Variants in FAM167A observed in about 807,000 individuals in gnomAD.
FAM167A encodes family with sequence similarity 167 member A.
Under a neutral mutation model 14.9 loss-of-function variants are expected in FAM167A, and 23 were observed. The observed-to-expected ratio is 1.55, with a 90% confidence interval of 1.11 to 2.19. The LOEUF (loss-of-function observed/expected upper bound fraction) is 2.19. FAM167A is among the 30% of genes most tolerant of loss of function. The pLI, the probability that FAM167A is intolerant of heterozygous loss-of-function variation, is 0.00. For synonymous variants in FAM167A, 174 were observed against 117.7 expected (o/e 1.48, Z -3.10); for missense variants, 401 against 281.5 (o/e 1.42, Z -3.04).
intron 1 of FAM167A, among the ~76,000 whole-genome samples, chr8:11,456,154 TG>T (rs1807277567): frequency 7.6e-5 from 1 of 13,160 alleles, no homozygotes; most frequent in Non-Finnish European, 1.4e-4. Context: ...TGTGTGAATG[TG>T]GGGGGTGGTT....
intron 2 of FAM167A, among the ~76,000 whole-genome samples, chr8:11,430,075 C>T (rs1348406018): frequency 6.6e-6 from 1 of 152,224 alleles, no homozygotes; most frequent in Non-Finnish European, 1.5e-5. Context: ...ACTCAACTCT[C>T]AGTGTGGGTT....
chr8:11,439,902 T>G (rs945166831), intron 2 of FAM167A, among the ~76,000 whole-genome samples: 4 of 151,858 alleles, frequency 2.6e-5, no homozygotes, highest in African/African-American at 9.7e-5. Context: ...TCCCAGGGAG[T>G]TGGCTGATGG....
At chr8:11,472,617 G>C (rs1435067426) in intron 1 of FAM167A, among the ~76,000 whole-genome samples, 1 of 151,974 alleles carries the variant, frequency 6.6e-6, no homozygotes, top group Non-Finnish European at 1.5e-5. Context: ...AACCCTGATG[G>C]GCAGGGGAGA....
At chr8:11,447,097 G>A (rs1585263206) in intron 1 of FAM167A, among the ~76,000 whole-genome samples, 1 of 152,246 alleles carries the variant, frequency 6.6e-6, no homozygotes, top group Admixed American at 6.5e-5. Context: ...TACCACTGCT[G>A]GGTGAGGGGC....
rs182703686 is a variant in FAM167A, at chr8:11,433,375, G to A, written c.382-8739C>T. Among the ~76,000 whole-genome samples, 507 of 152,070 alleles carry A rather than the reference G, an allele frequency of 3.3e-3. 3 individuals carry two copies. Among genetic ancestry groups the A allele is most frequent in the African/African-American group, 0.011 (471 of 41,490 alleles). On this transcript the variant is annotated intron_variant, in intron 2 of 2. Transcript: ENST00000284486. ...CCCCTTTCCAACAAAAGTCTTACCCGAAACCCTATTAATAGTTTGTCTTTT... is the reference window on the plus strand; with the variant it reads ...CCCCTTTCCAACAAAAGTCTTACCCAAAACCCTATTAATAGTTTGTCTTTT...
intron 1 of FAM167A, 27 bp from the exon 2 acceptor site, chr8:11,444,835 G>C (rs1201862030): frequency 6.0e-6 from 6 of 994,706 alleles, no homozygotes; most frequent in Admixed American, 5.8e-5. Flanking sequence ...AACCGCATCA[G>C]TCCCGATCCC....
chr8:11,434,937 A>C (rs1805900180), intron 2 of FAM167A: 3 of 430,102 alleles, frequency 7.0e-6, no homozygotes, highest in African/African-American at 4.0e-5. Flanking sequence ...GGGTGAGGAC[A>C]GGCCCAGAGG....
chr8:11,433,155 G>T (rs1805732582), intron 2 of FAM167A, among the ~76,000 whole-genome samples: 2 of 152,000 alleles, frequency 1.3e-5, no homozygotes, highest in Admixed American at 1.3e-4. Context: ...GTATACCTAT[G>T]TAACAAATCT....
At position 11,441,096 on chromosome 8, in the gene FAM167A, T is replaced by C. The variant is rs778363774; in HGVS notation, c.381+2935A>G. Among the ~76,000 whole-genome samples the C allele has an allele frequency of 5.9e-5, 9 of 152,208 alleles. No individual in the cohort carries two copies. In the South Asian group the frequency reaches 8.3e-4, roughly 14 times the overall value. On this transcript the variant is annotated intron_variant, in intron 2 of 2. Transcript: ENST00000284486. Reference sequence around the variant, plus strand: ...CCTGCCAGCCAGTCTGTGTCTGGTGTACTTTGGGCCTCAGAGTCGCAATCT... The same window carrying C: ...CCTGCCAGCCAGTCTGTGTCTGGTGCACTTTGGGCCTCAGAGTCGCAATCT...
At chr8:11,465,842 T>G (rs1807741923) in intron 1 of FAM167A, among the ~76,000 whole-genome samples, 1 of 152,200 alleles carries the variant, frequency 6.6e-6, no homozygotes, top group African/African-American at 2.4e-5. Context: ...GAGAACCTGC[T>G]TGCAGGCATA....
At chr8:11,434,092 C>T (rs546771962) in intron 2 of FAM167A, 3 of 152,236 alleles carry the variant, frequency 2.0e-5, no homozygotes, top group South Asian at 2.1e-4. Context: ...CTGGAGGTTC[C>T]GGGGAAATGT....
At chr8:11,426,641 T>C (rs1563356460) in intron 2 of FAM167A, among the ~76,000 whole-genome samples, 1 of 152,120 alleles carries the variant, frequency 6.6e-6, no homozygotes, top group Non-Finnish European at 1.5e-5. Context: ...CCTTAATATT[T>C]AAAGGGGAAG....
chr8:11,438,774 A>C, intron 2 of FAM167A: 4 of 345,558 alleles, frequency 1.2e-5, no homozygotes, highest in South Asian at 9.2e-5. Flanking sequence ...AGACAGGCTG[A>C]AAGCACCGGG....
At chr8:11,428,987 T>C (rs1805378480) in intron 2 of FAM167A, among the ~76,000 whole-genome samples, 2 of 152,200 alleles carry the variant, frequency 1.3e-5, no homozygotes, top group African/African-American at 4.8e-5. Context: ...ACATAGAAGT[T>C]ATCATCTTAA....
In FAM167A at chr8:11,460,175, G is replaced by A. The variant is rs140608716; in HGVS notation, c.-398+6451C>T. On this transcript the variant is annotated intron_variant, in intron 1 of 2. Coordinates refer to ENST00000284486, the MANE Select transcript of FAM167A (RefSeq NM_053279.3). ...CTACAGGGCTCTGGGAGGGGCAGGC[G>A]CCCTAGTGGGCTGCACCCGTAGATT... is the stretch of plus-strand genomic sequence containing the variant. Among the ~76,000 whole-genome samples, 292 of 152,348 alleles carry A rather than the reference G, an allele frequency of 1.9e-3. 1 individual carries two copies. Among genetic ancestry groups the A allele is most frequent in the African/African-American group, 6.3e-3 (263 of 41,578 alleles).
chr8:11,441,907 A>G (rs1806461823), intron 2 of FAM167A, among the ~76,000 whole-genome samples: 1 of 152,236 alleles, frequency 6.6e-6, no homozygotes, highest in Admixed American at 6.5e-5. Context: ...CAGGGGTACC[A>G]GGAAGGTCAT....
intron 1 of FAM167A, 87 bp from the exon 2 acceptor site, chr8:11,444,895 G>A (rs558145026): frequency 1.0e-6 from 1 of 954,944 alleles, no homozygotes; most frequent in East Asian, 1.1e-4. Context: ...AGGGGAAACT[G>A]AGGCTCAGAG....
intron 1 of FAM167A, chr8:11,474,590 C>T: frequency 6.6e-6 from 1 of 152,366 alleles, no homozygotes; most frequent in Non-Finnish European, 1.5e-5. Flanking sequence ...TCAATACAGG[C>T]ACCCAGAGAT....
chr8:11,446,217 G>A (rs68063127), intron 1 of FAM167A, among the ~76,000 whole-genome samples: 1 of 152,050 alleles, frequency 6.6e-6, no homozygotes, highest in Admixed American at 6.5e-5. Context: ...CTTAAGAAAG[G>A]AGAGCAGAAC....
Sources: gnomAD v4.1 joint callset for allele counts (sites outside exome capture counted in the v4.1 genomes callset) on GRCh38, gnomAD v4.1.1 for gene constraint, MANE v1.5 for transcripts, NCBI Gene and HGNC (gene_info 2026-07-23, HGNC 2026-07-21) for gene names.